Variants in CACNB4 observed in about 807,000 individuals in gnomAD.
The protein encoded by CACNB4 is calcium voltage-gated channel auxiliary subunit beta 4, also known as voltage-dependent L-type calcium channel subunit beta-4.
A neutral mutation model predicts 71.2 loss-of-function variants in CACNB4; 32 were observed. The ratio of observed to expected loss-of-function variants is 0.45; its 90% confidence interval spans 0.34 to 0.60. The LOEUF is 0.60. Among genes scored for constraint, CACNB4 ranks in the 20% least tolerant of loss-of-function variants. CACNB4 has a pLI of 0.01. For synonymous variants in CACNB4, 231 were observed against 236.9 expected (o/e 0.97, Z 0.23); for missense variants, 464 against 647.9 (o/e 0.72, Z 3.08).
At chr2:152,024,375 G>GT (rs751042951) in intron 2 of CACNB4, among the ~76,000 whole-genome samples, 1 of 152,200 alleles carries the variant, frequency 6.6e-6, no homozygotes, top group Non-Finnish European at 1.5e-5. Flanking sequence ...ATACAAAGTG[G>GT]TTAAAAAATG....
At chr2:151,939,985 A>G (rs1466763106) in intron 2 of CACNB4, among the ~76,000 whole-genome samples, 1 of 152,210 alleles carries the variant, frequency 6.6e-6, no homozygotes, top group Non-Finnish European at 1.5e-5. Flanking sequence ...AAATCTGCCT[A>G]ATTTCTAAAT....
At chr2:151,894,371 T>C (rs2099851475) in intron 2 of CACNB4, among the ~76,000 whole-genome samples, 1 of 152,144 alleles carries the variant, frequency 6.6e-6, no homozygotes, top group Non-Finnish European at 1.5e-5. Context: ...GAAGACTCAT[T>C]TGACAAAATT....
intron 2 of CACNB4, among the ~76,000 whole-genome samples, chr2:151,975,076 C>G (rs1028465466): frequency 1.3e-5 from 2 of 152,156 alleles, no homozygotes; most frequent in South Asian, 4.1e-4. Flanking sequence ...TTTCTTCACC[C>G]GCCAAAATGA....
intron 2 of CACNB4, among the ~76,000 whole-genome samples, chr2:151,889,652 G>A (rs2099850253): frequency 6.6e-6 from 1 of 151,970 alleles, no homozygotes. Flanking sequence ...GATTTCCCCG[G>A]GTAGATGAGT....
At chr2:151,877,089 ACATAGATATC>A (rs2099846614) in intron 4 of CACNB4, among the ~76,000 whole-genome samples, 1 of 105,082 alleles carries the variant, frequency 9.5e-6, no homozygotes, top group Non-Finnish European at 2.2e-5. Context: ...CTATATATAC[ACATAGATATC>A]TATATATACA....
At chr2:152,043,991 G>A (rs911944100) in intron 2 of CACNB4, among the ~76,000 whole-genome samples, 1 of 152,030 alleles carries the variant, frequency 6.6e-6, no homozygotes, top group Non-Finnish European at 1.5e-5. Flanking sequence ...GGATCACTTG[G>A]GGCAAGGAGT....
intron 9 of CACNB4, chr2:151,861,721 AGTTCCAGCTACTTGG>A (rs578046423): frequency 1.3e-5 from 2 of 151,750 alleles, no homozygotes; most frequent in Non-Finnish European, 2.9e-5. Context: ...ACATGCCTGT[AGTTCCAGCTACTTGG>A]GAGGCTGAGG....
At chr2:151,905,316 GTT>G (rs1244959386) in intron 2 of CACNB4, among the ~76,000 whole-genome samples, 1 of 152,140 alleles carries the variant, frequency 6.6e-6, no homozygotes, top group Non-Finnish European at 1.5e-5. Flanking sequence ...TCAATTTACA[GTT>G]TCTCACATCG....
chr2:151,864,158 T>G (rs535475807), intron 9 of CACNB4, among the ~76,000 whole-genome samples: 1 of 152,340 alleles, frequency 6.6e-6, no homozygotes, highest in South Asian at 2.1e-4. Flanking sequence ...CCCATGTACC[T>G]TGTTTGGTAT....
Position 151,869,960 on chromosome 2 carries a change from A to T in CACNB4, c.699+571T>A, listed in dbSNP as rs1469192556. ...AAGCTAGCACAAAGTCAAAACAAAC[A>T]TCTGAAACGAAGTCTCTACTCTTTT... On this transcript the variant is annotated intron_variant, in intron 8 of 13. Transcript: ENST00000539935. 8.1e-6 allele frequency: 4 copies of T among 492,376 alleles called. No homozygotes were observed. The Admixed American group carries it at 1.5e-4, about 19-fold the overall frequency. 30.5% of individuals were successfully genotyped at this position (492,376 alleles called of 1,614,324 possible).
At chr2:151,985,947 T>G (rs539180498) in intron 2 of CACNB4, among the ~76,000 whole-genome samples, 1 of 152,302 alleles carries the variant, frequency 6.6e-6, no homozygotes, top group East Asian at 1.9e-4. Context: ...TCAGTAAAGG[T>G]TCTAGTATCT....
chr2:151,880,949 AT>A lies in CACNB4; in HGVS notation c.268-28del. On this transcript the variant is annotated intron_variant, in intron 3 of 13. Coordinates refer to ENST00000539935, the MANE Select transcript of CACNB4 (RefSeq NM_000726.5). ...TAGGGACAGAACCATGGAATAAGGA[AT>A]GAGGAAGGGAGGAGAGAGGAGCATT... The A allele has an allele frequency of 1.9e-6, 3 of 1,581,128 alleles. No individual in the cohort carries two copies. The South Asian group carries it at 3.5e-5, about 18-fold the overall frequency.
chr2:151,947,627 G>C (rs1045308462), intron 2 of CACNB4, among the ~76,000 whole-genome samples: 2 of 152,152 alleles, frequency 1.3e-5, no homozygotes, highest in African/African-American at 4.8e-5. Context: ...GGCTCCCTTG[G>C]TAGGGAGAAG....
intron 13 of CACNB4, among the ~76,000 whole-genome samples, chr2:151,841,147 T>C (rs1045207516): frequency 6.6e-6 from 1 of 152,178 alleles, no homozygotes; most frequent in Admixed American, 6.5e-5. Flanking sequence ...TATATCCACA[T>C]TGTCTTGTGC....
At chr2:151,878,776 G>C (rs909374172) in intron 4 of CACNB4, among the ~76,000 whole-genome samples, 2 of 150,602 alleles carry the variant, frequency 1.3e-5, no homozygotes, top group African/African-American at 4.9e-5. Flanking sequence ...GTGTAGTAGT[G>C]CACCTGTAGT....
intron 2 of CACNB4, among the ~76,000 whole-genome samples, chr2:151,947,807 C>T (rs1346289829): frequency 6.6e-6 from 1 of 152,138 alleles, no homozygotes; most frequent in Non-Finnish European, 1.5e-5. Context: ...ATTTCACTCA[C>T]TATTATGAGA....
intron 12 of CACNB4, 186 bp downstream of exon 12, chr2:151,853,262 A>G (rs1578466974): frequency 1.9e-6 from 1 of 520,450 alleles, no homozygotes; most frequent in South Asian, 2.6e-5. Context: ...CAAGGCAAAC[A>G]CCATCCACAT....
At chr2:151,861,592 C>T (rs2099841651) in intron 9 of CACNB4, 1 of 152,142 alleles carries the variant, frequency 6.6e-6, no homozygotes, top group African/African-American at 2.4e-5. Context: ...CCTGTAATCC[C>T]AGCACTTTGG....
intron 2 of CACNB4, among the ~76,000 whole-genome samples, chr2:152,078,033 C>T (rs949533615): frequency 3.3e-5 from 5 of 152,048 alleles, no homozygotes; most frequent in Admixed American, 1.3e-4. Flanking sequence ...ACGGCGGTGG[C>T]GCAAGCTGAG....
Sources: gnomAD v4.1 joint callset for allele counts (sites outside exome capture counted in the v4.1 genomes callset) on GRCh38, gnomAD v4.1.1 for gene constraint, MANE v1.5 for transcripts, NCBI Gene and HGNC (gene_info 2026-07-23, HGNC 2026-07-21) for gene names.